The following PLAGL1 variants were observed in gnomAD, a reference collection of about 807,000 sequenced individuals.
PLAGL1 encodes PLAG1 like zinc finger 1.
Under a neutral mutation model 4.6 loss-of-function variants are expected in PLAGL1, and 1 was observed. The observed-to-expected ratio is 0.22, with a 90% confidence interval of 0.08 to 1.03. The LOEUF is 1.03. PLAGL1 is among the 50% of genes least tolerant of loss of function. The probability of loss-of-function intolerance (pLI) is 0.58; values close to 1 mark genes in which losing one functional copy is unlikely to be tolerated. For missense variants in PLAGL1, 464 were observed against 570.4 expected (o/e 0.81, Z 1.90); for synonymous variants, 240 against 237.8 (o/e 1.01, Z -0.08).
In PLAGL1 at chr6:144,064,203, G is replaced by A. The variant is rs1799656418; in HGVS notation, c.-151+265C>T. 2.0e-5 allele frequency among the ~76,000 whole-genome samples: 3 copies of A among 152,074 alleles called. No homozygotes were observed. Among genetic ancestry groups the A allele is most frequent in the South Asian group, 2.1e-4 (1 of 4,830 alleles). On this transcript the variant is annotated intron_variant, in intron 1 of 3. Transcript: ENST00000437412. This position sits in a 1 kb window ranked among gnomAD's most constrained non-coding sequence, Gnocchi z 6.8. ...GCAGAAGCGAAGAGCTGCAGACGAC[G>A]GAGAAAAGGGAAGCGCGCCCCAAGC... is the stretch of plus-strand genomic sequence containing the variant.
At chr6:144,049,072 T>A (rs1201218223) in intron 1 of PLAGL1, among the ~76,000 whole-genome samples, 1 of 152,230 alleles carries the variant, frequency 6.6e-6, no homozygotes, top group East Asian at 1.9e-4. Flanking sequence ...GTTGCACAGA[T>A]CTCTAGGGCA....
chr6:144,049,490 G>C (rs947653676), intron 1 of PLAGL1, among the ~76,000 whole-genome samples: 1 of 152,240 alleles, frequency 6.6e-6, no homozygotes, highest in Non-Finnish European at 1.5e-5. Flanking sequence ...GGCTAGGGAG[G>C]CATCAGGAAA....
chr6:143,986,799 A>G (rs954061479), intron 1 of PLAGL1, among the ~76,000 whole-genome samples: 1 of 152,196 alleles, frequency 6.6e-6, no homozygotes, highest in Admixed American at 6.5e-5. Flanking sequence ...CGCCTGCTCA[A>G]TAAGCCATTG....
chr6:143,948,359 C>T lies in PLAGL1; in HGVS notation c.-223G>A. ...TCACACATCCCAGTTTACATGCAGTCTCAAGCTGAGGGGAGAAAGTCTGAG... is the reference window on the plus strand; with the variant it reads ...TCACACATCCCAGTTTACATGCAGTTTCAAGCTGAGGGGAGAAAGTCTGAG... On this transcript the variant is annotated 5_prime_UTR_variant, in exon 7 of 8. Transcript: ENST00000674357. The surrounding 1 kb of genome is among the most constrained non-coding windows in gnomAD (Gnocchi z 6.0). The T allele has an allele frequency of 2.0e-6, 1 of 502,026 alleles. No homozygotes were observed. 31.1% of individuals were successfully genotyped at this position (502,026 alleles called of 1,614,324 possible).
intron 2 of PLAGL1, among the ~76,000 whole-genome samples, chr6:143,969,377 A>C (rs2128576846): frequency 6.6e-6 from 1 of 152,262 alleles, no homozygotes; most frequent in East Asian, 1.9e-4. Flanking sequence ...TTGAGAATTA[A>C]ATAAACTAAT....
rs1781600970 is a variant in PLAGL1, at chr6:143,954,060, T to C, written c.-324-5600A>G. On this transcript the variant is annotated intron_variant, in intron 6 of 7. Transcript: ENST00000674357. This position sits in a 1 kb window ranked among gnomAD's most constrained non-coding sequence, Gnocchi z 5.1. ...CTCAGGGCAGGAGGATGGAGGAGTC[T>C]TCCCTGGGAAGCTGACCAGCCCAAG... is the stretch of plus-strand genomic sequence containing the variant. 2.0e-5 allele frequency among the ~76,000 whole-genome samples: 3 copies of C among 152,134 alleles called. No homozygotes were observed. The highest frequency in any genetic ancestry group is 2.0e-4 in the Admixed American group (3 of 15,270).
rs1179689210 is a variant in PLAGL1 at position 144,034,171 on chromosome 6, T to G, written c.-151+30297A>C. Among the ~76,000 whole-genome samples the G allele has an allele frequency of 1.3e-5, 2 of 152,210 alleles. No individual in the cohort carries two copies. Among genetic ancestry groups the G allele is most frequent in the Non-Finnish European group, 2.9e-5 (2 of 68,044 alleles). On this transcript the variant is annotated intron_variant, in intron 1 of 3. Transcript: ENST00000437412. The surrounding 1 kb of genome is among the most constrained non-coding windows in gnomAD (Gnocchi z 4.7). ...GTGTTTACATGTAAAACCACGTTGTTGGAGGAGGGGGTGCCCCAGCTTAGC... is the reference window on the plus strand; with the variant it reads ...GTGTTTACATGTAAAACCACGTTGTGGGAGGAGGGGGTGCCCCAGCTTAGC...
intron 2 of PLAGL1, among the ~76,000 whole-genome samples, chr6:143,981,271 ACAC>A (rs1297274313): frequency 4.2e-5 from 6 of 144,064 alleles, no homozygotes; most frequent in Non-Finnish European, 7.6e-5. Flanking sequence ...GGTGGGGGGG[ACAC>A]ACTCTTCACT....
At chr6:144,024,829 C>T (rs779808541) in intron 1 of PLAGL1, among the ~76,000 whole-genome samples, 1 of 152,000 alleles carries the variant, frequency 6.6e-6, no homozygotes, top group Non-Finnish European at 1.5e-5. Context: ...AATTATAGCC[C>T]AAAGTATAAA....
In PLAGL1 at chr6:143,959,741, A is replaced by T. The variant is rs186151948; in HGVS notation, c.-325+728T>A. Among the ~76,000 whole-genome samples the T allele has an allele frequency of 3.4e-3, 522 of 152,328 alleles. 3 individuals carry two copies. Among genetic ancestry groups the T allele is most frequent in the Non-Finnish European group, 4.9e-3 (336 of 68,016 alleles). On this transcript the variant is annotated intron_variant, in intron 6 of 7. Coordinates refer to ENST00000674357, the MANE Select transcript of PLAGL1 (RefSeq NM_001317162.2). The surrounding 1 kb of genome is among the most constrained non-coding windows in gnomAD (Gnocchi z 5.3). ...TACTGCCCATCAGCATGGACTAATG[A>T]CATACTGCAAGTAATACACTGTCCT... is the stretch of plus-strand genomic sequence containing the variant.
intron 1 of PLAGL1, among the ~76,000 whole-genome samples, chr6:144,031,011 C>T (rs1796784093): frequency 1.3e-5 from 2 of 152,164 alleles, no homozygotes; most frequent in Admixed American, 1.3e-4. Flanking sequence ...ACCGCATCCA[C>T]ACCAACATCT....
At chr6:144,042,632 G>A (rs1471797851) in intron 1 of PLAGL1, among the ~76,000 whole-genome samples, 1 of 152,118 alleles carries the variant, frequency 6.6e-6, no homozygotes, top group Non-Finnish European at 1.5e-5. Context: ...TGTTCTTTTT[G>A]CTTAGGATTG....
rs1014822187 is a variant in PLAGL1 at position 143,945,933 on chromosome 6, C to T, written c.152+2052G>A. Among the ~76,000 whole-genome samples, 34 of 152,200 alleles carry T rather than the reference C, an allele frequency of 2.2e-4. No individual in the cohort carries two copies. The highest frequency in any genetic ancestry group is 2.1e-4 in the South Asian group (1 of 4,828). On this transcript the variant is annotated intron_variant, in intron 7 of 7. Transcript: ENST00000674357. The surrounding 1 kb of genome is among the most constrained non-coding windows in gnomAD (Gnocchi z 4.2). ...CAGCTTCCCTTTTTGCCTCTCTTTACACCCTTAACTGAACAAGCCATTTTC... is the reference window on the plus strand; with the variant it reads ...CAGCTTCCCTTTTTGCCTCTCTTTATACCCTTAACTGAACAAGCCATTTTC...
intron 7 of PLAGL1, among the ~76,000 whole-genome samples, chr6:143,943,187 T>G (rs1179727538): frequency 6.7e-6 from 1 of 149,752 alleles, no homozygotes; most frequent in African/African-American, 2.5e-5. Context: ...AGAGAACATG[T>G]TTTTTTAATG....
At chr6:144,032,413 C>A (rs1190053700) in intron 1 of PLAGL1, among the ~76,000 whole-genome samples, 1 of 151,990 alleles carries the variant, frequency 6.6e-6, no homozygotes, top group African/African-American at 2.4e-5. Context: ...TGTGAACCAC[C>A]ATGCCCAGCT....
rs138964933 is a variant in PLAGL1 at position 143,948,276 on chromosome 6, G to A, written c.-140C>T. 1.3e-4 allele frequency: 92 copies of A among 706,350 alleles called. No individual in the cohort carries two copies. The highest frequency in any genetic ancestry group is 1.8e-4 in the Non-Finnish European group (73 of 412,080). 43.8% of individuals were successfully genotyped at this position (706,350 alleles called of 1,614,324 possible). A position where few individuals can be genotyped will look rare whatever the true frequency, so the allele number is the denominator to read the frequency against. Reference sequence around the variant, plus strand: ...CAGACCACGGGAGAGGCAGCATCGTGGGCCTGGTTCTACCCAGACATGGAC... The same window carrying A: ...CAGACCACGGGAGAGGCAGCATCGTAGGCCTGGTTCTACCCAGACATGGAC... On this transcript the variant is annotated 5_prime_UTR_variant, in exon 7 of 8. Coordinates refer to ENST00000674357, the MANE Select transcript of PLAGL1 (RefSeq NM_001317162.2). This position sits in a 1 kb window ranked among gnomAD's most constrained non-coding sequence, Gnocchi z 6.0.
chr6:144,041,157 A>G (rs1158170342), intron 1 of PLAGL1, among the ~76,000 whole-genome samples: 1 of 152,146 alleles, frequency 6.6e-6, no homozygotes, highest in East Asian at 1.9e-4. Context: ...ATATTTATTG[A>G]GAGCTTGTGG....
chr6:144,000,292 A>G lies in PLAGL1; in HGVS notation c.-584+7798T>C, dbSNP rs747784747. ...CAGTGAAATTAGACATAAACAAAAGAATAAGAGATTTGAAGATCAGAAGGA... is the reference window on the plus strand; with the variant it reads ...CAGTGAAATTAGACATAAACAAAAGGATAAGAGATTTGAAGATCAGAAGGA... On this transcript the variant is annotated intron_variant, in intron 1 of 7. Transcript: ENST00000674357. The surrounding 1 kb of genome is among the most constrained non-coding windows in gnomAD (Gnocchi z 4.1). Among the ~76,000 whole-genome samples, 4 of 152,104 alleles carry G rather than the reference A, an allele frequency of 2.6e-5. No homozygotes were observed. The highest frequency in any genetic ancestry group is 5.9e-5 in the Non-Finnish European group (4 of 67,986).
In PLAGL1 at chr6:144,015,152, A is replaced by G. The variant is rs917000082; in HGVS notation, c.-150-46174T>C. ...GAAATGTGCTACAAGTGTAAAATAT[A>G]CTCTGGCTTTCAAAGACTTGGGATT... On this transcript the variant is annotated intron_variant, in intron 1 of 3. Coordinates refer to the PLAGL1 transcript ENST00000437412. This position sits in a 1 kb window ranked among gnomAD's most constrained non-coding sequence, Gnocchi z 4.3. 2.6e-5 allele frequency among the ~76,000 whole-genome samples: 4 copies of G among 152,076 alleles called. No individual in the cohort carries two copies. Among genetic ancestry groups the G allele is most frequent in the African/African-American group, 4.8e-5 (2 of 41,400 alleles).
Sources: gnomAD v4.1 joint callset for allele counts (sites outside exome capture counted in the v4.1 genomes callset) on GRCh38, gnomAD v4.1.1 for gene constraint, Gnocchi (gnomAD v3.1) non-coding constraint, MANE v1.5 for transcripts, NCBI Gene and HGNC (gene_info 2026-07-23, HGNC 2026-07-21) for gene names.